ST18: variants seen among roughly 807,000 people sequenced by gnomAD.
ST18 encodes ST18 C2H2C-type zinc finger transcription factor, also known as suppression of tumorigenicity 18 protein.
ST18 carries 50 observed loss-of-function variants against 110.0 expected under a neutral mutation model. The observed-to-expected ratio is 0.45, with a 90% CI of 0.36 to 0.58. The LOEUF is 0.58. Among genes scored for constraint, ST18 ranks in the 20% least tolerant of loss-of-function variants. The probability of loss-of-function intolerance (pLI) is 0.00; values close to 1 mark genes in which losing one functional copy is unlikely to be tolerated. For synonymous variants in ST18, 461 were observed against 452.4 expected (o/e 1.02, Z -0.24); for missense variants, 1,306 against 1,280.1 (o/e 1.02, Z -0.31).
intron 22 of ST18, among the ~76,000 whole-genome samples, chr8:52,127,760 T>C (rs1309599009): frequency 6.6e-6 from 1 of 151,872 alleles, no homozygotes; most frequent in Non-Finnish European, 1.5e-5. Context: ...TGATTTTGTG[T>C]CTTCCAATGT....
intron 2 of ST18, among the ~76,000 whole-genome samples, chr8:52,380,075 C>T (rs1018067867): frequency 3.9e-5 from 6 of 152,264 alleles, no homozygotes; most frequent in African/African-American, 1.4e-4. Flanking sequence ...CCATGGGACC[C>T]ATACAAATTA....
intron 23 of ST18, among the ~76,000 whole-genome samples, chr8:52,123,292 C>T (rs1391439703): frequency 6.6e-6 from 1 of 152,142 alleles, no homozygotes; most frequent in Non-Finnish European, 1.5e-5. Context: ...TTTAAATTAA[C>T]ATAGTATGCT....
chr8:52,269,744 G>T (rs1020077644), intron 2 of ST18, among the ~76,000 whole-genome samples: 1 of 152,148 alleles, frequency 6.6e-6, no homozygotes, highest in Non-Finnish European at 1.5e-5. Flanking sequence ...AAATCACTGG[G>T]AATTATTTTA....
Position 52,323,398 on chromosome 8 carries a change from A to G in ST18, c.-465+85930T>C, listed in dbSNP as rs555939837. Among the ~76,000 whole-genome samples, 3 of 152,372 alleles carry G rather than the reference A, an allele frequency of 2.0e-5. No homozygotes were observed. In the South Asian group the frequency reaches 6.2e-4, roughly 32 times the overall value. Reference sequence around the variant, plus strand: ...GCACTACATCCTCCTTGAAAGAGGCAGCTAACATTGTCACAAAGGAGAAAG... The same window carrying G: ...GCACTACATCCTCCTTGAAAGAGGCGGCTAACATTGTCACAAAGGAGAAAG... On this transcript the variant is annotated intron_variant, in intron 2 of 25. Coordinates refer to ENST00000689386, the MANE Select transcript of ST18 (RefSeq NM_001352837.2).
rs747641579 is a variant in ST18 at position 52,226,330 on chromosome 8, T to A, written c.-419+3702A>T. Among the ~76,000 whole-genome samples the A allele has an allele frequency of 5.3e-4, 80 of 152,192 alleles. 1 individual carries two copies. Among genetic ancestry groups the A allele is most frequent in the Admixed American group, 8.5e-4 (13 of 15,286 alleles). On this transcript the variant is annotated intron_variant, in intron 3 of 25. Coordinates refer to ENST00000689386, the MANE Select transcript of ST18 (RefSeq NM_001352837.2). The stretch of plus-strand genomic sequence containing the variant: ...GGCATTTTTAACCACTTGTTTATGA[T>A]GTGGTTTATTAACAAAATACTATGA...
Position 52,132,078 on chromosome 8 carries a change from T to C in ST18, c.2546A>G (p.Glu849Gly), listed in dbSNP as rs771097085. ...GCPLAAKRQK[E>G]NPLNGASLSW... ...GAGGGAGGCTCCATTGAGAGGATTC[T>C]CCTTCTGTCTCTTGGCAGCCAGAGG... Residue 849 changes from glutamate to glycine, a missense_variant, in exon 22 of 26, where the codon GAG becomes GGG. Glu to Gly is a moderately conservative substitution (Grantham distance 98). Coordinates refer to ENST00000689386, the MANE Select transcript of ST18 (RefSeq NM_001352837.2). The C allele has an allele frequency of 1.9e-6, 3 of 1,614,244 alleles. No individual in the cohort carries two copies. In the South Asian group the frequency reaches 3.3e-5, roughly 18 times the overall value.
rs71252934 is a variant in ST18, at chr8:52,357,676, AATATATATATATAT to A, written c.-465+51638_-465+51651del. On this transcript the variant is annotated intron_variant, in intron 2 of 25. Coordinates refer to ENST00000689386, the MANE Select transcript of ST18 (RefSeq NM_001352837.2). ...ACATAACAAATCCCCAAAATCTATA[AATATATATATATAT>A]ATATATATATATATATATATATATA... 7.2e-3 allele frequency among the ~76,000 whole-genome samples: 278 copies of A among 38,428 alleles called. 1 individual carries two copies. Among genetic ancestry groups the A allele is most frequent in the East Asian group, 0.02 (15 of 744 alleles). The allele number at this position is 38,428 out of a possible 152,430, so 25.2% of individuals were successfully genotyped here. A position where few individuals can be genotyped will look rare whatever the true frequency, so the allele number is the denominator to read the frequency against.
At chr8:52,395,378 G>T (rs1232180885) in intron 2 of ST18, among the ~76,000 whole-genome samples, 1 of 152,252 alleles carries the variant, frequency 6.6e-6, no homozygotes, top group African/African-American at 2.4e-5. Context: ...CCCGTTAGGA[G>T]TGGAGTGGGA....
intron 2 of ST18, among the ~76,000 whole-genome samples, chr8:52,291,622 A>G (rs1392045586): frequency 1.3e-5 from 2 of 152,184 alleles, no homozygotes; most frequent in Non-Finnish European, 2.9e-5. Flanking sequence ...ATATTTCTAT[A>G]TCTTCTTTTG....
intron 10 of ST18, among the ~76,000 whole-genome samples, chr8:52,171,217 A>T (rs188817758): frequency 5.9e-4 from 90 of 152,338 alleles, no homozygotes; most frequent in African/African-American, 1.9e-3. Context: ...GGAAGCAGGA[A>T]CACACTTTTC....
chr8:52,230,574 A>C (rs551179986), intron 2 of ST18, among the ~76,000 whole-genome samples: 1 of 152,334 alleles, frequency 6.6e-6, no homozygotes, highest in South Asian at 2.1e-4. Context: ...ACACTGGTTC[A>C]TCTGGAACTC....
chr8:52,271,141 G>A (rs151203465), intron 2 of ST18, among the ~76,000 whole-genome samples: 236 of 152,074 alleles, frequency 1.6e-3, no homozygotes, highest in East Asian at 0.012. Flanking sequence ...CTTGTGATCC[G>A]CCCACCTCAG....
chr8:52,373,353 T>G (rs1002415577), intron 2 of ST18, among the ~76,000 whole-genome samples: 3 of 152,088 alleles, frequency 2.0e-5, no homozygotes, highest in African/African-American at 7.2e-5. Context: ...TCATCTCCCC[T>G]CATTTCTGGA....
At chr8:52,251,158 T>C (rs1432209767) in intron 2 of ST18, among the ~76,000 whole-genome samples, 1 of 152,064 alleles carries the variant, frequency 6.6e-6, no homozygotes, top group Non-Finnish European at 1.5e-5. Flanking sequence ...GAGCAACTAG[T>C]TTGAAGTGTG....
intron 2 of ST18, among the ~76,000 whole-genome samples, chr8:52,315,565 T>C (rs1335493945): frequency 2.6e-5 from 4 of 152,258 alleles, no homozygotes; most frequent in South Asian, 2.1e-4. Flanking sequence ...ATTTACTTAC[T>C]ATTATTGTAT....
Position 52,191,904 on chromosome 8 carries a change from G to A in ST18, c.87-11592C>T, listed in dbSNP as rs78720362. ...AGGAGGTCTGAGGAAGAGGCATGTG[G>A]GTGAACTTAGGAGACTGGGGGTGAA... On this transcript the variant is annotated intron_variant, in intron 8 of 25. Coordinates refer to ENST00000689386, the MANE Select transcript of ST18 (RefSeq NM_001352837.2). Among the ~76,000 whole-genome samples the A allele has an allele frequency of 5.5e-3, 832 of 152,280 alleles. 8 individuals carry two copies. The highest frequency in any genetic ancestry group is 0.02 in the African/African-American group (812 of 41,558).
chr8:52,342,805 A>C (rs549533471), intron 2 of ST18, among the ~76,000 whole-genome samples: 1 of 152,342 alleles, frequency 6.6e-6, no homozygotes, highest in South Asian at 2.1e-4. Context: ...TCTCCTGAGA[A>C]CATTTTATAA....
At chr8:52,196,005 C>G (rs1216988580) in intron 8 of ST18, among the ~76,000 whole-genome samples, 1 of 152,046 alleles carries the variant, frequency 6.6e-6, no homozygotes, top group East Asian at 1.9e-4. Context: ...AAAATGTTCC[C>G]TCATTTAGTA....
intron 8 of ST18, among the ~76,000 whole-genome samples, chr8:52,211,377 A>T (rs1184108685): frequency 4.3e-5 from 6 of 138,450 alleles, no homozygotes; most frequent in Non-Finnish European, 6.2e-5. Context: ...GGAATCATCT[A>T]ATTATTATTA....
Sources: gnomAD v4.1 joint callset for allele counts (sites outside exome capture counted in the v4.1 genomes callset) on GRCh38, gnomAD v4.1.1 for gene constraint, MANE v1.5 for transcripts, NCBI Gene and HGNC (gene_info 2026-07-23, HGNC 2026-07-21) for gene names.